Variants in RPS9 observed in about 807,000 individuals in gnomAD.
RPS9 encodes ribosomal protein S9, also known as small ribosomal subunit protein uS4.
RPS9 carries 1 observed loss-of-function variant against 16.9 expected under a neutral mutation model. The ratio of observed to expected loss-of-function variants is 0.06; its 90% confidence interval spans 0.02 to 0.28. The LOEUF (loss-of-function observed/expected upper bound fraction) is 0.28, where lower values mean the gene tolerates loss of function less well. Ranked by LOEUF, RPS9 falls within the 10% of genes least tolerant of loss-of-function variation. The pLI is 1.00. For missense variants in RPS9, 137 were observed against 273.2 expected (o/e 0.50, Z 3.51); for synonymous variants, 106 against 110.9 (o/e 0.96, Z 0.28).
At chr19:54,203,267 G>A in intron 3 of RPS9, 1 of 985,194 alleles carries the variant, frequency 1.0e-6, no homozygotes, top group Non-Finnish European at 1.2e-6. Context: ...GGGGTACACA[G>A]TTGTTCAGGT....
chr19:54,201,392 C>G, intron 2 of RPS9, 95 bp from the exon 3 acceptor site: 2 of 1,606,408 alleles, frequency 1.2e-6, no homozygotes, highest in Non-Finnish European at 1.7e-6. Flanking sequence ...TGGTACTATT[C>G]GTGGTTTAGG....
intron 1 of RPS9, 104 bp downstream of exon 1, chr19:54,200,992 G>A: frequency 1.4e-6 from 2 of 1,440,564 alleles, no homozygotes; most frequent in Non-Finnish European, 1.8e-6. Flanking sequence ...AACAGAGCAG[G>A]GTGGTTGAAC....
Position 54,206,678 on chromosome 19 carries a change from C to T in RPS9, c.407+216C>T, listed in dbSNP as rs1166583911. 7 of 1,536,458 alleles carry T rather than the reference C, an allele frequency of 4.6e-6. No homozygotes were observed. In the African/African-American group the frequency reaches 5.5e-5, roughly 12 times the overall value. ...GCGCAAGGGTCACTGCGGCTCTAGC[C>T]GTACACCTTGTGAAGGCCTCTGCCA... On this transcript the variant is annotated intron_variant, in intron 4 of 4. Transcript: ENST00000302907.
At chr19:54,203,782 C>A (rs76054548) in intron 3 of RPS9, among the ~76,000 whole-genome samples, 1 of 74,814 alleles carries the variant, frequency 1.3e-5, no homozygotes, top group Non-Finnish European at 3.9e-5. Context: ...CCCCCCCCAC[C>A]CCCCAGCACA....
intron 3 of RPS9, chr19:54,202,415 A>G: frequency 1.0e-6 from 1 of 984,880 alleles, no homozygotes; most frequent in Non-Finnish European, 1.2e-6. Context: ...TGTTTTTTTA[A>G]GCTGGTCAAG....
rs878856211 is a variant in RPS9 at position 54,207,247 on chromosome 19, G to A, written c.408-151G>A. ...GTGATACCCTAAAACCCCGGAGGGC[G>A]CACGTAGGATCAGGTGCACCCTTCC... On this transcript the variant is annotated intron_variant, in intron 4 of 4. Coordinates refer to ENST00000302907, the MANE Select transcript of RPS9 (RefSeq NM_001013.4). 87 of 628,106 alleles carry A rather than the reference G, an allele frequency of 1.4e-4. 1 individual carries two copies. The South Asian group carries it at 1.5e-3, about 11-fold the overall frequency. The allele number at this position is 628,106 out of a possible 1,614,324, so 38.9% of individuals were successfully genotyped here.
At chr19:54,207,296 C>G (rs989328903) in intron 4 of RPS9, 102 bp from the exon 5 acceptor site, 14 of 988,202 alleles carry the variant, frequency 1.4e-5, no homozygotes, top group East Asian at 2.5e-5. Context: ...TGTCTGCAGC[C>G]GTGGCGGCCT....
chr19:54,204,221 G>GA (rs2077163794), intron 3 of RPS9, among the ~76,000 whole-genome samples: 2 of 151,996 alleles, frequency 1.3e-5, no homozygotes, highest in Admixed American at 6.6e-5. Context: ...AGTCTCTACT[G>GA]AAAAAATACA....
intron 3 of RPS9, chr19:54,201,944 G>T: frequency 3.4e-6 from 1 of 295,148 alleles, no homozygotes; most frequent in East Asian, 6.0e-5. Flanking sequence ...ACTATGAAGT[G>T]GAATTTCTGG....
chr19:54,207,002 C>T (rs971274928), intron 4 of RPS9: 9 of 428,726 alleles, frequency 2.1e-5, no homozygotes, highest in East Asian at 4.2e-5. Flanking sequence ...ATGCTTTCGT[C>T]GGAGACGTAG....
At chr19:54,202,453 C>T (rs2077091369) in intron 3 of RPS9, 1 of 985,246 alleles carries the variant, frequency 1.0e-6, no homozygotes, top group Non-Finnish European at 1.2e-6. Context: ...TAGCAAAGGC[C>T]TGAACAGGAG....
At chr19:54,206,884 C>T (rs1224169668) in intron 4 of RPS9, 2 of 614,178 alleles carry the variant, frequency 3.3e-6, no homozygotes, top group East Asian at 3.0e-5. Flanking sequence ...AATGTGGCAC[C>T]ATTGAGGGGG....
intron 3 of RPS9, 79 bp from the exon 4 acceptor site, chr19:54,206,197 C>T: frequency 6.9e-7 from 1 of 1,447,706 alleles, no homozygotes; most frequent in Non-Finnish European, 9.4e-7. Context: ...ATGGAGCTAC[C>T]AAGAGGCGGA....
At chr19:54,205,494 T>A (rs181761027) in intron 3 of RPS9, among the ~76,000 whole-genome samples, 85 of 152,178 alleles carry the variant, frequency 5.6e-4, no homozygotes, top group Middle Eastern at 6.8e-3. Flanking sequence ...GAAATTACTT[T>A]TCTCTCCTTA....
chr19:54,206,710 TG>T, intron 4 of RPS9: 1 of 1,506,234 alleles, frequency 6.6e-7, no homozygotes, highest in Non-Finnish European at 8.9e-7. Context: ...GCCAGGCATG[TG>T]GGCAGCTGGA....
chr19:54,207,349 T>C, intron 4 of RPS9, 49 bp from the exon 5 acceptor site: 7 of 1,505,420 alleles, frequency 4.6e-6, no homozygotes, highest in Non-Finnish European at 6.4e-6. Flanking sequence ...GTAGCTGGGG[T>C]TAGCGTCCGT....
Position 54,201,065 on chromosome 19 carries a change from G to C in RPS9, c.-25-95G>C, listed in dbSNP as rs113620514. The C allele has an allele frequency of 2.0e-3, 3,031 of 1,519,318 alleles. 44 individuals carry two copies. The African/African-American group carries it at 0.037, about 19-fold the overall frequency. 94.1% of individuals were successfully genotyped at this position (1,519,318 alleles called of 1,614,324 possible). A position where few individuals can be genotyped will look rare whatever the true frequency, so the allele number is the denominator to read the frequency against. ...TGAGAGCGTTGGAGGTTATTCTCGC[G>C]AGATCGGATCTGGGCTCCGCGAGGT... On this transcript the variant is annotated intron_variant, in intron 1 of 4. Coordinates refer to ENST00000302907, the MANE Select transcript of RPS9 (RefSeq NM_001013.4).
In RPS9 at chr19:54,203,394, A is replaced by C. The variant is rs531016636; in HGVS notation, c.220+1785A>C. The C allele has an allele frequency of 4.0e-6, 3 of 758,252 alleles. No homozygotes were observed. The African/African-American group carries it at 5.7e-5, about 14-fold the overall frequency. 47.0% of individuals were successfully genotyped at this position (758,252 alleles called of 1,614,324 possible). ...GATTCAGATCCTGCCTTTCCCACTA[A>C]GATGTGTGACTAGCGAGATTCTGAG... is the stretch of plus-strand genomic sequence containing the variant. On this transcript the variant is annotated intron_variant, in intron 3 of 4. Coordinates refer to ENST00000302907, the MANE Select transcript of RPS9 (RefSeq NM_001013.4).
intron 3 of RPS9, among the ~76,000 whole-genome samples, chr19:54,205,167 A>T (rs1485206191): frequency 6.6e-6 from 1 of 152,094 alleles, no homozygotes; most frequent in Non-Finnish European, 1.5e-5. Flanking sequence ...ACCCCAGTCA[A>T]GGGGCAGTTG....
Sources: allele counts gnomAD v4.1 joint callset (sites outside exome capture counted in the v4.1 genomes callset), GRCh38; gene constraint gnomAD v4.1.1; transcripts MANE v1.5; gene names NCBI Gene and HGNC (gene_info 2026-07-23, HGNC 2026-07-21).